Variants in MFF observed in about 807,000 individuals in gnomAD.
MFF encodes the protein chromosome 2 open reading frame 33.
MFF carries 12 observed loss-of-function variants against 36.9 expected under a neutral mutation model. The observed-to-expected ratio is 0.33, with a 90% confidence interval of 0.21 to 0.53. The LOEUF (loss-of-function observed/expected upper bound fraction) is 0.53, where lower values mean the gene tolerates loss of function less well. Among genes scored for constraint, MFF ranks in the 20% least tolerant of loss-of-function variants. MFF has a pLI of 0.95. For missense variants in MFF, 348 were observed against 366.6 expected, an observed-to-expected ratio of 0.95 and a Z score of 0.42; for synonymous variants, 99 against 126.2, an observed-to-expected ratio of 0.78 and a Z score of 1.44.
chr2:227,327,922 G>A (rs1490697864), intron 1 of MFF, among the ~76,000 whole-genome samples: 1 of 152,168 alleles, frequency 6.6e-6, no homozygotes, highest in Non-Finnish European at 1.5e-5. Context: ...CATCTGGAAT[G>A]ATGCACAAAA....
intron 2 of MFF, chr2:227,329,645 A>C (rs1024106582): frequency 1.2e-6 from 1 of 846,930 alleles, no homozygotes. Context: ...ACACCTCCAA[A>C]AAAAGTTCAA....
chr2:227,354,056 C>T (rs1333054145), intron 7 of MFF, among the ~76,000 whole-genome samples: 2 of 152,100 alleles, frequency 1.3e-5, no homozygotes, highest in Non-Finnish European at 2.9e-5. Context: ...GGTATAATTA[C>T]CCTAACTGCT....
chr2:227,331,959 ATTTTTTTT>A (rs10549336), intron 3 of MFF, among the ~76,000 whole-genome samples: 7 of 76,832 alleles, frequency 9.1e-5, no homozygotes, highest in East Asian at 3.7e-4. Context: ...CGCTGGAAGC[ATTTTTTTT>A]TTTTTTTTTT....
intron 4 of MFF, among the ~76,000 whole-genome samples, chr2:227,338,844 C>A (rs200851683): frequency 2.9e-4 from 42 of 143,814 alleles, no homozygotes; most frequent in Non-Finnish European, 4.9e-4. Context: ...CAAAAAAAAA[C>A]AAAAAAAAAA....
intron 5 of MFF, among the ~76,000 whole-genome samples, chr2:227,340,895 T>C (rs2075352962): frequency 6.6e-6 from 1 of 152,180 alleles, no homozygotes; most frequent in Non-Finnish European, 1.5e-5. Flanking sequence ...TTTATTAAAA[T>C]TAATGGATTT....
At chr2:227,351,462 G>A (rs2075992455) in intron 6 of MFF, among the ~76,000 whole-genome samples, 1 of 151,934 alleles carries the variant, frequency 6.6e-6, no homozygotes, top group East Asian at 1.9e-4. Flanking sequence ...AGTGCATTTG[G>A]TATTAAACAT....
intron 4 of MFF, 78 bp from the exon 5 acceptor site, chr2:227,340,214 G>A: frequency 1.7e-6 from 2 of 1,204,276 alleles, no homozygotes; most frequent in Middle Eastern, 1.9e-4. Flanking sequence ...GCCTTGTATC[G>A]AGGTTCTTTT....
intron 2 of MFF, chr2:227,329,638 C>A: frequency 1.3e-6 from 1 of 779,392 alleles, no homozygotes. Flanking sequence ...GTTATGTACA[C>A]CTCCAAAAAA....
chr2:227,343,681 T>G (rs2075547392), intron 5 of MFF, among the ~76,000 whole-genome samples: 2 of 152,238 alleles, frequency 1.3e-5, no homozygotes, highest in African/African-American at 4.8e-5. Context: ...CTATGAAAAC[T>G]CAAAGAGGTA....
chr2:227,329,933 A>AC (rs1239508447), intron 2 of MFF: 6 of 516,584 alleles, frequency 1.2e-5, no homozygotes, highest in Non-Finnish European at 2.1e-5. Flanking sequence ...TAAAAAAAAA[A>AC]ACACATGTAA....
chr2:227,331,276 A>G (rs2074550907), intron 3 of MFF, among the ~76,000 whole-genome samples: 2 of 152,238 alleles, frequency 1.3e-5, no homozygotes, highest in Admixed American at 1.3e-4. Flanking sequence ...AAATGGAATC[A>G]TAGAGTATAT....
chr2:227,355,462 G>A (rs1400523972), intron 7 of MFF: 1 of 289,096 alleles, frequency 3.5e-6, no homozygotes, highest in East Asian at 6.0e-5. Flanking sequence ...CCAGTTTTTA[G>A]TGCCCTTTTT....
At chr2:227,347,120 A>G (rs1374265345) in intron 5 of MFF, 106 bp from the exon 6 acceptor site, 3 of 898,584 alleles carry the variant, frequency 3.3e-6, no homozygotes, top group Non-Finnish European at 5.1e-6. Context: ...AGGGTGGGAA[A>G]GGGGCAAGAA....
chr2:227,334,787 G>A (rs1383664533), intron 4 of MFF, among the ~76,000 whole-genome samples: 1 of 152,136 alleles, frequency 6.6e-6, no homozygotes. Flanking sequence ...ATAGCAAAAA[G>A]GTGGAAGCAA....
intron 8 of MFF, 40 bp downstream of exon 8, chr2:227,355,801 T>G (rs747635439): frequency 1.6e-6 from 2 of 1,252,582 alleles, no homozygotes; most frequent in African/African-American, 1.5e-5. Flanking sequence ...CTCAGTTATA[T>G]TCATACAATA....
At chr2:227,331,304 T>C (rs1445655134) in intron 3 of MFF, among the ~76,000 whole-genome samples, 2 of 152,232 alleles carry the variant, frequency 1.3e-5, no homozygotes, top group East Asian at 3.8e-4. Flanking sequence ...TCTGTCTTCT[T>C]TTGTTCAGTG....
At chr2:227,354,608 T>C (rs143696461) in intron 7 of MFF, among the ~76,000 whole-genome samples, 2,083 of 152,352 alleles carry the variant, frequency 0.014, 16 homozygotes, top group Middle Eastern at 0.048. Context: ...GAATGGCGTT[T>C]GTCTTTGTTT....
rs750250303 is a variant in MFF, at chr2:227,332,379, C to G, written c.182-40C>G. ...ATCACTGTCTTTTTAAAAAACCTCC[C>G]GCTTTTCTCTTCTTTGTCTCTTTTC... On this transcript the variant is annotated intron_variant, in intron 3 of 8. Transcript: ENST00000304593. The G allele has an allele frequency of 2.7e-6, 4 of 1,487,834 alleles. No individual in the cohort carries two copies. The African/African-American group carries it at 6.1e-5, about 23-fold the overall frequency. The allele number at this position is 1,487,834 out of a possible 1,614,324, so 92.2% of individuals were successfully genotyped here.
chr2:227,355,462 G>T (rs1400523972), intron 7 of MFF: 1 of 289,096 alleles, frequency 3.5e-6, no homozygotes, highest in Non-Finnish European at 6.4e-6. Flanking sequence ...CCAGTTTTTA[G>T]TGCCCTTTTT....
Sources: allele counts gnomAD v4.1 joint callset (sites outside exome capture counted in the v4.1 genomes callset), GRCh38; gene constraint gnomAD v4.1.1; transcripts MANE v1.5; gene names NCBI Gene and HGNC (gene_info 2026-07-23, HGNC 2026-07-21).